Variants in BRWD1 observed in about 807,000 individuals in gnomAD.
BRWD1 encodes the protein bromodomain and WD repeat domain containing 1, also known as bromodomain and WD repeat-containing protein 1.
Under a neutral mutation model 251.2 loss-of-function variants are expected in BRWD1, and 82 were observed. The observed-to-expected ratio is 0.33, with a 90% CI of 0.27 to 0.39. The LOEUF (loss-of-function observed/expected upper bound fraction) is 0.39, where lower values mean the gene tolerates loss of function less well. Ranked by LOEUF, BRWD1 falls within the 10% of genes least tolerant of loss-of-function variation. The pLI is 1.00. For missense variants in BRWD1, 2,233 were observed against 2,711.6 expected (o/e 0.82, Z 3.92); for synonymous variants, 918 against 902.8 (o/e 1.02, Z -0.30).
At chr21:39,219,681 G>A (rs1183767697) in intron 29 of BRWD1, 1 of 152,152 alleles carries the variant, frequency 6.6e-6, no homozygotes, top group Non-Finnish European at 1.5e-5. Flanking sequence ...ATACACACAA[G>A]TTTTATATAG....
intron 4 of BRWD1, chr21:39,312,563 G>A (rs901767403): frequency 1.5e-5 from 5 of 327,328 alleles, no homozygotes; most frequent in Non-Finnish European, 5.8e-6. Flanking sequence ...CCCCGCAGAG[G>A]CGGCCGCACC....
Position 39,189,075 on chromosome 21 carries a change from A to C in BRWD1, c.*7184T>G. 1.0e-6 allele frequency: 1 copy of C among 984,108 alleles called. No individual in the cohort carries two copies. The highest frequency in any genetic ancestry group is 1.2e-6 in the Non-Finnish European group (1 of 828,666). The allele number at this position is 984,108 out of a possible 1,614,324, so 61.0% of individuals were successfully genotyped here. A position where few individuals can be genotyped will look rare whatever the true frequency, so the allele number is the denominator to read the frequency against. On this transcript the variant is annotated 3_prime_UTR_variant, in exon 41 of 41. Transcript: ENST00000342449. ...CTAGTATCTCCAACAAGTCAACCCT[A>C]TATCCAAAATGAATCTTTAACACAT...
chr21:39,249,190 A>G lies in BRWD1; in HGVS notation c.2350-1358T>C, dbSNP rs2034307611. On this transcript the variant is annotated intron_variant, in intron 20 of 40. Coordinates refer to ENST00000342449, the MANE Select transcript of BRWD1 (RefSeq NM_033656.4). ...AGTACAGAAGGGAACAACAGACATC[A>G]GAACCTACCTGAGGGCACAACGTGG... Among the ~76,000 whole-genome samples the G allele has an allele frequency of 2.0e-5, 3 of 152,190 alleles. No individual in the cohort carries two copies. In the South Asian group the frequency reaches 6.2e-4, roughly 31 times the overall value.
At position 39,306,397 on chromosome 21, in the gene BRWD1, T is replaced by C. The variant is rs377701979; in HGVS notation, c.198+6444A>G. ...ATATCTTTAAATATCTCACCCTGCATTGGGCCTGTCAAATCCATGTTATTT... is the reference window on the plus strand; with the variant it reads ...ATATCTTTAAATATCTCACCCTGCACTGGGCCTGTCAAATCCATGTTATTT... On this transcript the variant is annotated intron_variant, in intron 4 of 40. Coordinates refer to ENST00000342449, the MANE Select transcript of BRWD1 (RefSeq NM_033656.4). 6.0e-4 allele frequency among the ~76,000 whole-genome samples: 91 copies of C among 152,206 alleles called. 2 individuals are homozygous for C. Among genetic ancestry groups the C allele is most frequent in the African/African-American group, 2.0e-3 (85 of 41,518 alleles).
intron 37 of BRWD1, among the ~76,000 whole-genome samples, chr21:39,203,162 T>C (rs4818001): frequency 0.51 from 77,058 of 152,020 alleles, 19,882 homozygotes; most frequent in African/African-American, 0.58. Flanking sequence ...TATTTTCCTT[T>C]AAAACAGCTA....
At chr21:39,245,630 C>G (rs1011180698) in intron 21 of BRWD1, among the ~76,000 whole-genome samples, 23 of 147,020 alleles carry the variant, frequency 1.6e-4, no homozygotes, top group South Asian at 6.4e-4. Context: ...ACAAGAGTCT[C>G]GCTCTGATGC....
Position 39,267,460 on chromosome 21 carries a change from G to A in BRWD1, c.1530+2439C>T, listed in dbSNP as rs180880434. ...AACACAAAAATAAAATTAGCCGGGC[G>A]TGGTGGCAGGCGCGTGTAATCCCAG... On this transcript the variant is annotated intron_variant, in intron 15 of 40. Transcript: ENST00000342449. 1.8e-3 allele frequency among the ~76,000 whole-genome samples: 272 copies of A among 152,250 alleles called. 1 individual carries two copies. The highest frequency in any genetic ancestry group is 3.3e-3 in the Non-Finnish European group (222 of 68,032).
chr21:39,209,836 A>T, intron 36 of BRWD1, 159 bp downstream of exon 36: 2 of 664,016 alleles, frequency 3.0e-6, no homozygotes, highest in Non-Finnish European at 4.5e-6. Context: ...CAGTAGCAGA[A>T]GCTCTTTTCT....
At chr21:39,266,380 A>G (rs573318521) in intron 15 of BRWD1, among the ~76,000 whole-genome samples, 1 of 152,290 alleles carries the variant, frequency 6.6e-6, no homozygotes, top group South Asian at 2.1e-4. Context: ...TGGTCCTTCT[A>G]GGAGCCACCT....
rs1214737505 is a variant in BRWD1 at position 39,313,466 on chromosome 21, C to T, written c.26G>A (p.Arg9His). MAEPSSAR[R>H]PVPLIESELY... ...ACCCGACTCGATGAGAGGCACCGGG[C>T]GTCGGGCGGACGACGGCTCCGCCAT... is the stretch of plus-strand genomic sequence containing the variant. The change falls in exon 1 of 41, where the codon CGC (arginine) becomes CAC (histidine). Residue 9 changes from arginine (R) to histidine (H), a missense_variant. This residue lies in a region of BRWD1 where 101 missense variants were observed against 95.6 expected (regional missense o/e 1.06). Transcript: ENST00000342449. 2 of 1,275,642 alleles carry T rather than the reference C, an allele frequency of 1.6e-6. No homozygotes were observed. The highest frequency in any genetic ancestry group is 2.0e-6 in the Non-Finnish European group (2 of 1,010,176). 79.0% of individuals were successfully genotyped at this position (1,275,642 alleles called of 1,614,324 possible).
chr21:39,282,046 A>G (rs2035485331), intron 8 of BRWD1, among the ~76,000 whole-genome samples: 2 of 151,794 alleles, frequency 1.3e-5, no homozygotes, highest in Non-Finnish European at 2.9e-5. Context: ...ATGTATGTAC[A>G]TATGTATATA....
chr21:39,185,147 AG>A (rs966135735), downstream of BRWD1: 6 of 152,086 alleles, frequency 3.9e-5, no homozygotes, highest in African/African-American at 1.4e-4. Context: ...CTTTTTAAAA[AG>A]GCAAATATGT....
At chr21:39,230,260 A>T (rs115441572) in intron 25 of BRWD1, among the ~76,000 whole-genome samples, 2,349 of 152,324 alleles carry the variant, frequency 0.015, 57 homozygotes, top group African/African-American at 0.054. Context: ...GTATCCATCA[A>T]ATGGATTTGC....
chr21:39,192,830 G>T lies in BRWD1; in HGVS notation c.*3429C>A, dbSNP rs1194667182. ...TATACAAACCTCTGGGGTTTCAGTT[G>T]GCACAATCAAGTTCAACTTGTACTA... is the stretch of plus-strand genomic sequence containing the variant. On this transcript the variant is annotated 3_prime_UTR_variant, in exon 41 of 41. Coordinates refer to ENST00000342449, the MANE Select transcript of BRWD1 (RefSeq NM_033656.4). The T allele has an allele frequency of 1.0e-6, 1 of 984,800 alleles. No individual in the cohort carries two copies. Among genetic ancestry groups the T allele is most frequent in the Non-Finnish European group, 1.2e-6 (1 of 829,668 alleles). The allele number at this position is 984,800 out of a possible 1,614,324, so 61.0% of individuals were successfully genotyped here. A position where few individuals can be genotyped will look rare whatever the true frequency, so the allele number is the denominator to read the frequency against.
intron 21 of BRWD1, among the ~76,000 whole-genome samples, chr21:39,244,070 C>T (rs1333664392): frequency 1.3e-5 from 2 of 151,840 alleles, no homozygotes; most frequent in African/African-American, 2.4e-5. Context: ...GATCATGCTG[C>T]TAACTTTTTT....
Position 39,195,610 on chromosome 21 carries a change from T to G in BRWD1, c.*649A>C. 1.0e-6 allele frequency: 1 copy of G among 984,414 alleles called. No individual in the cohort carries two copies. Among genetic ancestry groups the G allele is most frequent in the Non-Finnish European group, 1.2e-6 (1 of 828,710 alleles). 61.0% of individuals were successfully genotyped at this position (984,414 alleles called of 1,614,324 possible). A position where few individuals can be genotyped will look rare whatever the true frequency, so the allele number is the denominator to read the frequency against. On this transcript the variant is annotated 3_prime_UTR_variant, in exon 41 of 41. Coordinates refer to ENST00000342449, the MANE Select transcript of BRWD1 (RefSeq NM_033656.4). ...TACCAGCACTTTATAAATTCAAGTT[T>G]ATAACATAAAAGTGACAACGTTTTC... is the stretch of plus-strand genomic sequence containing the variant.
In BRWD1 at chr21:39,232,445, T is replaced by C; in HGVS notation, c.2820A>G (p.Glu940=). The part of the protein sequence containing the change: ...AELANMEHLY[E]FHPPVWITDT... Reference sequence around the variant, plus strand: ...CAGTAATCCAAACTGGAGGGTGAAATTCATATAAATGCTCCATATTTGCAA... The same window carrying C: ...CAGTAATCCAAACTGGAGGGTGAAACTCATATAAATGCTCCATATTTGCAA... Residue 940 remains glutamate (E), a synonymous_variant, in exon 24 of 41, where the codon GAA becomes GAG. Transcript: ENST00000342449. 1 of 1,588,298 alleles carries C rather than the reference T, an allele frequency of 6.3e-7. No homozygotes were observed. The highest frequency in any genetic ancestry group is 8.5e-7 in the Non-Finnish European group (1 of 1,174,284).
intron 16 of BRWD1, 37 bp downstream of exon 16, chr21:39,264,854 T>C (rs772677302): frequency 1.2e-6 from 2 of 1,602,366 alleles, no homozygotes; most frequent in Non-Finnish European, 1.7e-6. Flanking sequence ...AGCTGATAAC[T>C]ATTACTTGCA....
In BRWD1 at chr21:39,191,740, AC is replaced by A; in HGVS notation, c.*4518del. Reference sequence around the variant, plus strand: ...TGTAAAACAAAGGGGTAGAGCTGCTACAGTCCATCTAGGCTCTATATACTGG... The same window carrying A: ...TGTAAAACAAAGGGGTAGAGCTGCTAAGTCCATCTAGGCTCTATATACTGG... On this transcript the variant is annotated 3_prime_UTR_variant, in exon 41 of 41. Transcript: ENST00000342449. The A allele has an allele frequency of 1.0e-6, 1 of 985,344 alleles. No individual in the cohort carries two copies. Among genetic ancestry groups the A allele is most frequent in the Non-Finnish European group, 1.2e-6 (1 of 829,882 alleles). 61.0% of individuals were successfully genotyped at this position (985,344 alleles called of 1,614,324 possible).
Sources: allele counts gnomAD v4.1 joint callset (sites outside exome capture counted in the v4.1 genomes callset), GRCh38; gene constraint gnomAD v4.1.1; regional missense constraint gnomAD v4.1.1; transcripts MANE v1.5; gene names NCBI Gene and HGNC (gene_info 2026-07-23, HGNC 2026-07-21).